The following TP63 variants were observed in gnomAD, a reference collection of about 807,000 sequenced individuals.
TP63 encodes tumor protein 63.
In TP63, 17 loss-of-function variants were observed where a neutral mutation model predicts 82.8. The observed-to-expected ratio is 0.21, with a 90% CI of 0.14 to 0.31. The LOEUF is 0.31. Ranked by LOEUF, TP63 falls within the 10% of genes least tolerant of loss-of-function variation. The pLI, the probability that TP63 is intolerant of heterozygous loss-of-function variation, is 1.00. For synonymous variants in TP63, 330 were observed against 321.7 expected, an observed-to-expected ratio of 1.03 and a Z score of -0.28; for missense variants, 648 against 895.3, an observed-to-expected ratio of 0.72 and a Z score of 3.52.
intron 1 of TP63, among the ~76,000 whole-genome samples, chr3:189,696,192 C>T (rs897758918): frequency 7.2e-5 from 11 of 152,134 alleles, no homozygotes; most frequent in Admixed American, 1.3e-4. Flanking sequence ...CTGTACTCAT[C>T]TATTCATCCT....
the TP63 span, among the ~76,000 whole-genome samples, chr3:189,613,074 G>T: frequency 1.3e-4 from 20 of 152,220 alleles, no homozygotes; most frequent in African/African-American, 4.8e-4. Context: ...AATTCAAGCC[G>T]GCTGTAGAAA....
intron 1 of TP63, among the ~76,000 whole-genome samples, chr3:189,708,922 CA>C (rs1718394350): frequency 1.3e-5 from 2 of 152,118 alleles, no homozygotes; most frequent in African/African-American, 4.8e-5. Flanking sequence ...ACGTTGTGTT[CA>C]AGAAATTTTA....
intron 4 of TP63, among the ~76,000 whole-genome samples, chr3:189,857,915 T>C (rs561041606): frequency 1.3e-5 from 2 of 152,200 alleles, no homozygotes; most frequent in South Asian, 2.1e-4. Flanking sequence ...TTATGGAAAA[T>C]AGTATAGAAG....
chr3:189,805,271 T>C (rs984388218), intron 3 of TP63, among the ~76,000 whole-genome samples: 1 of 152,204 alleles, frequency 6.6e-6, no homozygotes, highest in African/African-American at 2.4e-5. Flanking sequence ...TTCTCAAAAT[T>C]GTCACTAGCT....
chr3:189,725,654 G>A (rs1719721368), intron 1 of TP63, among the ~76,000 whole-genome samples: 1 of 152,082 alleles, frequency 6.6e-6, no homozygotes, highest in South Asian at 2.1e-4. Flanking sequence ...TGGTGGGGGA[G>A]GAAATCCTGC....
chr3:189,729,567 C>T (rs1720011999), intron 1 of TP63, among the ~76,000 whole-genome samples: 1 of 152,132 alleles, frequency 6.6e-6, no homozygotes, highest in African/African-American at 2.4e-5. Context: ...AATTTTTGTT[C>T]AAATTGTGGC....
intron 1 of TP63, among the ~76,000 whole-genome samples, chr3:189,695,315 T>C (rs1275570295): frequency 6.6e-6 from 1 of 152,184 alleles, no homozygotes; most frequent in African/African-American, 2.4e-5. Context: ...CCTGTGTCCC[T>C]TTGATATACT....
chr3:189,851,257 C>G (rs957938355), intron 4 of TP63, among the ~76,000 whole-genome samples: 1 of 152,100 alleles, frequency 6.6e-6, no homozygotes, highest in African/African-American at 2.4e-5. Context: ...AAGCAGTCTG[C>G]CTTTAAATGT....
At chr3:189,756,484 G>A (rs558049080) in intron 3 of TP63, among the ~76,000 whole-genome samples, 96 of 152,290 alleles carry the variant, frequency 6.3e-4, no homozygotes, top group Admixed American at 2.6e-4. Context: ...ACACAAGTAT[G>A]CATTTCAAAC....
intron 3 of TP63, among the ~76,000 whole-genome samples, chr3:189,746,366 G>C (rs1464715058): frequency 2.0e-5 from 3 of 151,452 alleles, no homozygotes; most frequent in South Asian, 2.1e-4. Flanking sequence ...TAAGCCAAAG[G>C]TGAGAGAATT....
chr3:189,677,542 G>A (rs955448381), intron 1 of TP63, among the ~76,000 whole-genome samples: 1 of 151,432 alleles, frequency 6.6e-6, no homozygotes, highest in Non-Finnish European at 1.5e-5. Context: ...ATTGTGAATA[G>A]TGCCACAGTC....
At chr3:189,742,249 A>C (rs1252300574) in intron 3 of TP63, among the ~76,000 whole-genome samples, 2 of 95,126 alleles carry the variant, frequency 2.1e-5, no homozygotes, top group Non-Finnish European at 5.2e-5. Flanking sequence ...ATCCCAAAAA[A>C]AAAAAAAAAA....
rs1043811018 is a variant in TP63, at chr3:189,647,507, C to T, written c.62+15930C>T. Among the ~76,000 whole-genome samples, 14 of 146,822 alleles carry T rather than the reference C, an allele frequency of 9.5e-5. 1 individual carries two copies. The highest frequency in any genetic ancestry group is 2.6e-5 in the African/African-American group (1 of 39,160). ...CTCTGGTGCCTTCTTCAGTCATACACAATGATCCAGAGGGTTGACAGAGGA... is the reference window on the plus strand; with the variant it reads ...CTCTGGTGCCTTCTTCAGTCATACATAATGATCCAGAGGGTTGACAGAGGA... On this transcript the variant is annotated intron_variant, in intron 1 of 13. Transcript: ENST00000264731.
rs9811214 is a variant in TP63, at chr3:189,648,974, C to G, written c.62+17397C>G. 5.5e-5 allele frequency among the ~76,000 whole-genome samples: 8 copies of G among 145,792 alleles called. 1 individual carries two copies. Among genetic ancestry groups the G allele is most frequent in the Non-Finnish European group, 1.0e-4 (7 of 66,906 alleles). ...AAATTCCTGGAATCTAATCAAATAG[C>G]CTTGTTGTTATTACATAGTTCTCTC... On this transcript the variant is annotated intron_variant, in intron 1 of 13. Coordinates refer to ENST00000264731, the MANE Select transcript of TP63 (RefSeq NM_003722.5).
rs1717107393 is a variant in TP63 at position 189,862,044 on chromosome 3, G to T, written c.580-2188G>T. Among the ~76,000 whole-genome samples the T allele has an allele frequency of 2.6e-5, 4 of 152,138 alleles. No homozygotes were observed. The South Asian group carries it at 8.3e-4, about 32-fold the overall frequency. ...CACACTCATTTGATGGTGAAACCCA[G>T]GTTTCGTAGTCATTTATCAGTTAGT... On this transcript the variant is annotated intron_variant, in intron 4 of 13. Coordinates refer to ENST00000264731, the MANE Select transcript of TP63 (RefSeq NM_003722.5).
chr3:189,618,875 A>C, the TP63 span, among the ~76,000 whole-genome samples: 1 of 151,792 alleles, frequency 6.6e-6, no homozygotes, highest in African/African-American at 2.4e-5. Context: ...AAACCCATGA[A>C]ATTTCTCTTC....
chr3:189,890,166 T>G (rs1419705747), intron 12 of TP63, among the ~76,000 whole-genome samples: 3 of 152,208 alleles, frequency 2.0e-5, no homozygotes, highest in Admixed American at 1.3e-4. Context: ...CTGGAACGAT[T>G]TGTGTTGATT....
chr3:189,833,801 C>G (rs775289979), intron 4 of TP63, among the ~76,000 whole-genome samples: 11 of 151,988 alleles, frequency 7.2e-5, no homozygotes, highest in African/African-American at 2.7e-4. Context: ...AAAGCCAGAT[C>G]TCTACTCCAC....
intron 1 of TP63, among the ~76,000 whole-genome samples, chr3:189,727,348 A>G (rs1719845746): frequency 6.6e-6 from 1 of 152,208 alleles, no homozygotes; most frequent in South Asian, 2.1e-4. Context: ...CATGAATCAG[A>G]CCAGTATCTG....
Sources: gnomAD v4.1 joint callset for allele counts (sites outside exome capture counted in the v4.1 genomes callset) on GRCh38, gnomAD v4.1.1 for gene constraint, MANE v1.5 for transcripts, NCBI Gene and HGNC (gene_info 2026-07-23, HGNC 2026-07-21) for gene names.